PAK2: variants seen among roughly 807,000 people sequenced by gnomAD.
PAK2 encodes the protein serine/threonine-protein kinase PAK 2.
In PAK2, 21 loss-of-function variants were observed where a neutral mutation model predicts 65.9. That is an observed-to-expected ratio of 0.32 (90% CI 0.23 to 0.46). The LOEUF is 0.46. Ranked by LOEUF, PAK2 falls within the 20% of genes least tolerant of loss-of-function variation. PAK2 has a pLI of 1.00. For synonymous variants in PAK2, 204 were observed against 219.7 expected (o/e 0.93, Z 0.63); for missense variants, 324 against 642.6 (o/e 0.50, Z 5.36).
chr3:196,810,282 CT>C (rs1242194733), intron 7 of PAK2, among the ~76,000 whole-genome samples: 1 of 152,044 alleles, frequency 6.6e-6, no homozygotes, highest in African/African-American at 2.4e-5. Context: ...CTGGTACAGT[CT>C]TTTCAAAATG....
At chr3:196,798,048 T>G (rs1297066040) in intron 2 of PAK2, among the ~76,000 whole-genome samples, 1 of 151,894 alleles carries the variant, frequency 6.6e-6, no homozygotes, top group East Asian at 1.9e-4. Context: ...CTTAATAAAC[T>G]AGAAGGGAAG....
At chr3:196,823,893 G>A (rs945713508) in intron 13 of PAK2, among the ~76,000 whole-genome samples, 6 of 151,698 alleles carry the variant, frequency 4.0e-5, no homozygotes, top group African/African-American at 1.5e-4. Context: ...CAAAAAGGCA[G>A]CCTGGATGAG....
chr3:196,768,020 C>G (rs1714230890), intron 1 of PAK2, among the ~76,000 whole-genome samples: 1 of 152,018 alleles, frequency 6.6e-6, no homozygotes. Context: ...ACAAGCTCCT[C>G]TTGGTTCACA....
At chr3:196,771,066 T>C (rs1714345440) in intron 1 of PAK2, among the ~76,000 whole-genome samples, 1 of 152,096 alleles carries the variant, frequency 6.6e-6, no homozygotes, top group Non-Finnish European at 1.5e-5. Context: ...CTTTTTGTTA[T>C]TTTAAACTTA....
At chr3:196,813,132 G>A (rs1192738392) in intron 10 of PAK2, among the ~76,000 whole-genome samples, 1 of 152,112 alleles carries the variant, frequency 6.6e-6, no homozygotes, top group African/African-American at 2.4e-5. Flanking sequence ...ATGGTTGGCT[G>A]TGATTCGTGT....
At chr3:196,805,852 G>GA (rs1185755574) in intron 5 of PAK2, among the ~76,000 whole-genome samples, 1 of 151,302 alleles carries the variant, frequency 6.6e-6, no homozygotes, top group Non-Finnish European at 1.5e-5. Context: ...CAATTGGGAG[G>GA]AAACAGTCTC....
chr3:196,809,206 C>A (rs1715692481), intron 7 of PAK2, among the ~76,000 whole-genome samples: 1 of 151,570 alleles, frequency 6.6e-6, no homozygotes, highest in African/African-American at 2.4e-5. Context: ...TGTGATTGCG[C>A]CACTGCACTC....
chr3:196,810,702 C>T, intron 8 of PAK2, 49 bp downstream of exon 8: 1 of 940,382 alleles, frequency 1.1e-6, no homozygotes, highest in Non-Finnish European at 1.8e-6. Flanking sequence ...TCAGTATTTC[C>T]TGGCTTTATA....
rs1357102533 is a variant in PAK2 at position 196,791,705 on chromosome 3, A to G, written c.187+8872A>G. On this transcript the variant is annotated intron_variant, in intron 2 of 14. Transcript: ENST00000327134. The surrounding 1 kb of genome is among the most constrained non-coding windows in gnomAD (Gnocchi z 4.0). ...TTTGGGAGGCCGAGGCAGGTGGATC[A>G]CGAGGTCAGGAGATCAAGACCATCC... Among the ~76,000 whole-genome samples, 1 of 152,016 alleles carries G rather than the reference A, an allele frequency of 6.6e-6. No homozygotes were observed. The highest frequency in any genetic ancestry group is 1.9e-4 in the East Asian group (1 of 5,188).
intron 4 of PAK2, among the ~76,000 whole-genome samples, chr3:196,805,035 AGATT>A (rs986592026): frequency 1.3e-4 from 20 of 152,100 alleles, no homozygotes; most frequent in African/African-American, 4.6e-4. Flanking sequence ...TAATAAATAC[AGATT>A]GATAGGTATA....
chr3:196,817,094 A>C (rs1411239444), intron 11 of PAK2, among the ~76,000 whole-genome samples: 1 of 150,710 alleles, frequency 6.6e-6, no homozygotes, highest in East Asian at 2.0e-4. Context: ...AAGATTTCTG[A>C]GGAGCCTGTG....
chr3:196,761,783 G>T (rs1249792373), intron 1 of PAK2, among the ~76,000 whole-genome samples: 1 of 148,934 alleles, frequency 6.7e-6, no homozygotes, highest in African/African-American at 2.4e-5. Flanking sequence ...GCCGGGCGGG[G>T]GGCTGACCCC....
intron 1 of PAK2, among the ~76,000 whole-genome samples, chr3:196,776,484 T>C (rs921773525): frequency 2.6e-5 from 4 of 152,198 alleles, no homozygotes; most frequent in East Asian, 1.9e-4. Flanking sequence ...TTTGCGGACA[T>C]TTCCTCAAAA....
intron 1 of PAK2, among the ~76,000 whole-genome samples, chr3:196,749,452 G>A (rs759629915): frequency 4.6e-5 from 7 of 152,056 alleles, no homozygotes; most frequent in Non-Finnish European, 7.3e-5. Context: ...GTATTAGGTG[G>A]TATCATGTTA....
chr3:196,784,090 T>A (rs997628857), intron 2 of PAK2, among the ~76,000 whole-genome samples: 6 of 152,214 alleles, frequency 3.9e-5, no homozygotes, highest in African/African-American at 1.2e-4. Context: ...GTTCTTGAAT[T>A]GCTAATTAGA....
intron 1 of PAK2, among the ~76,000 whole-genome samples, chr3:196,741,311 G>A (rs1627506): frequency 0.6 from 91,983 of 152,046 alleles, 28,390 homozygotes; most frequent in African/African-American, 0.68. Flanking sequence ...ATAACACTCA[G>A]TAAAGTTACA....
chr3:196,821,305 C>T (rs367977046), intron 13 of PAK2, among the ~76,000 whole-genome samples: 6 of 151,880 alleles, frequency 4.0e-5, no homozygotes, highest in South Asian at 2.1e-4. Flanking sequence ...CCAGCCTGGG[C>T]GACAGGGTGA....
At chr3:196,796,810 T>G (rs1715272620) in intron 2 of PAK2, among the ~76,000 whole-genome samples, 1 of 152,192 alleles carries the variant, frequency 6.6e-6, no homozygotes, top group Non-Finnish European at 1.5e-5. Flanking sequence ...AACTAGAGTT[T>G]AGAGCTAAAA....
chr3:196,793,788 A>G (rs373872785), intron 2 of PAK2, among the ~76,000 whole-genome samples: 3 of 152,336 alleles, frequency 2.0e-5, no homozygotes, highest in African/African-American at 7.2e-5. Flanking sequence ...ATTTAAAATT[A>G]CCAAAACAAA....
Sources: allele counts gnomAD v4.1 joint callset (sites outside exome capture counted in the v4.1 genomes callset), GRCh38; gene constraint gnomAD v4.1.1; non-coding constraint Gnocchi (gnomAD v3.1); transcripts MANE v1.5; gene names NCBI Gene and HGNC (gene_info 2026-07-23, HGNC 2026-07-21).